MCOLN3: variants seen among roughly 807,000 people sequenced by gnomAD.
The protein encoded by MCOLN3 is mucolipin TRP cation channel 3, also known as mucolipin-3.
Under a neutral mutation model 69.4 loss-of-function variants are expected in MCOLN3, and 62 were observed. That is an observed-to-expected ratio of 0.89 (90% CI 0.73 to 1.10). MCOLN3 has a LOEUF of 1.10. MCOLN3 is among the 50% of genes least tolerant of loss of function. MCOLN3 has a pLI of 0.00. For synonymous variants in MCOLN3, 183 were observed against 217.0 expected (o/e 0.84, Z 1.38); for missense variants, 564 against 656.4 (o/e 0.86, Z 1.54).
chr1:85,019,533 C>T (rs1160366253), intron 12 of MCOLN3, among the ~76,000 whole-genome samples: 1 of 152,124 alleles, frequency 6.6e-6, no homozygotes, highest in East Asian at 1.9e-4. Context: ...GTCGTCCTTC[C>T]AGGGAGAATT....
chr1:85,037,133 G>C (rs1236677909), intron 3 of MCOLN3, among the ~76,000 whole-genome samples: 4 of 152,198 alleles, frequency 2.6e-5, no homozygotes, highest in African/African-American at 9.7e-5. Flanking sequence ...CAAGCTTTCT[G>C]TTAGCATTAG....
rs942017231 is a variant in MCOLN3, at chr1:85,018,919, T to A, written c.*204A>T. On this transcript the variant is annotated 3_prime_UTR_variant, in exon 13 of 13. Coordinates refer to ENST00000370589, the MANE Select transcript of MCOLN3 (RefSeq NM_018298.11). ...AATCCAATAGCTTTCCTCATTAAAG[T>A]TTTTTTAAAAACAATCCCAGCATAA... The A allele has an allele frequency of 4.7e-5, 24 of 511,524 alleles. No homozygotes were observed. Among genetic ancestry groups the A allele is most frequent in the African/African-American group, 3.2e-4 (16 of 50,474 alleles). 31.7% of individuals were successfully genotyped at this position (511,524 alleles called of 1,614,324 possible). A position where few individuals can be genotyped will look rare whatever the true frequency, so the allele number is the denominator to read the frequency against.
At chr1:85,046,194 G>GAAAATGGGCCCTCA (rs1653343014) in intron 1 of MCOLN3, among the ~76,000 whole-genome samples, 1 of 152,166 alleles carries the variant, frequency 6.6e-6, no homozygotes, top group Non-Finnish European at 1.5e-5. Flanking sequence ...GTACAAAGGG[G>GAAAATGGGCCCTCA]AAAATGGGCC....
chr1:85,021,258 C>T lies in MCOLN3; in HGVS notation c.1339G>A (p.Val447Ile). 1 of 1,611,396 alleles carries T rather than the reference C, an allele frequency of 6.2e-7. No individual in the cohort carries two copies. The highest frequency in any genetic ancestry group is 8.5e-7 in the Non-Finnish European group (1 of 1,179,290). Residue 447 changes from valine (V) to isoleucine (I), a missense_variant, in exon 12 of 13, where the codon GTC (valine) becomes ATC (isoleucine). Physicochemically the swap from Val to Ile is conservative, Grantham distance 29. Coordinates refer to ENST00000370589, the MANE Select transcript of MCOLN3 (RefSeq NM_018298.11). ...YHDKFRSLNM[V>I]SECLFSLING... The stretch of plus-strand genomic sequence containing the variant: ...ATCAGAGAGAAAAGGCACTCAGAGA[C>T]CATGTTCAGAGAACGAAACTGGAAA...
intron 3 of MCOLN3, 124 bp downstream of exon 3, chr1:85,040,886 G>T (rs1653026545): frequency 3.4e-6 from 3 of 879,096 alleles, no homozygotes; most frequent in Non-Finnish European, 3.4e-6. Context: ...AATTTTGTAT[G>T]TGTCATTTCC....
At chr1:85,021,898 T>A (rs1332367913) in intron 11 of MCOLN3, among the ~76,000 whole-genome samples, 172 bp downstream of exon 11, 1 of 152,172 alleles carries the variant, frequency 6.6e-6, no homozygotes, top group East Asian at 1.9e-4. Context: ...CATCAAATAT[T>A]CTCTCAAGCT....
Position 85,021,251 on chromosome 1 carries a change from T to C in MCOLN3, c.1346A>G (p.Glu449Gly). The change falls in exon 12 of 13, where the codon GAG (glutamate) becomes GGG (glycine). Residue 449 changes from glutamate (E) to glycine (G), a missense_variant. Glu to Gly is a moderately conservative substitution (Grantham distance 98). Coordinates refer to ENST00000370589, the MANE Select transcript of MCOLN3 (RefSeq NM_018298.11). Reference protein sequence around the residue: ...DKFRSLNMVSECLFSLINGDD... With the variant: ...DKFRSLNMVSGCLFSLINGDD... ...TCCATTTATCAGAGAGAAAAGGCAC[T>C]CAGAGACCATGTTCAGAGAACGAAA... 6 of 1,613,134 alleles carry C rather than the reference T, an allele frequency of 3.7e-6. No individual in the cohort carries two copies. Among genetic ancestry groups the C allele is most frequent in the Non-Finnish European group, 4.2e-6 (5 of 1,179,710 alleles).
intron 12 of MCOLN3, 25 bp downstream of exon 12, chr1:85,021,045 T>C (rs1651899773): frequency 2.6e-6 from 4 of 1,544,442 alleles, no homozygotes; most frequent in Non-Finnish European, 3.6e-6. Context: ...ACAATGCTAC[T>C]ACTTATGGCT....
At chr1:85,021,004 T>A (rs1280286190) in intron 12 of MCOLN3, 66 bp downstream of exon 12, 7 of 1,234,946 alleles carry the variant, frequency 5.7e-6, no homozygotes, top group African/African-American at 1.5e-5. Flanking sequence ...CATTAGGTAC[T>A]GAATTTTACT....
At position 85,022,127 on chromosome 1, in the gene MCOLN3, C is replaced by T; in HGVS notation, c.1263G>A (p.Met421Ile). The T allele has an allele frequency of 6.2e-7, 1 of 1,614,162 alleles. No homozygotes were observed. The highest frequency in any genetic ancestry group is 1.3e-5 in the African/African-American group (1 of 75,050). ...CACAGAAGCAGTAACCTAAGTAAATCATAGCTGCACAGCAGCAGAACCTGA... is the reference window on the plus strand; with the variant it reads ...CACAGAAGCAGTAACCTAAGTAAATTATAGCTGCACAGCAGCAGAACCTGA... ...NVIRFCCCAA[M>I]IYLGYCFCGW... is the part of the protein sequence containing the mutation. The change falls in exon 11 of 13, where the codon ATG becomes ATA. Residue 421 changes from methionine to isoleucine, a missense_variant. Transcript: ENST00000370589.
In MCOLN3 at chr1:85,019,359, G is replaced by A. The variant is rs1431730707; in HGVS notation, c.1528-102C>T. ...ATTTGGCAAGGGAGGGGGTTTTCTA[G>A]AGAGATAGTATCGTTACTCCTGAGT... On this transcript the variant is annotated intron_variant, in intron 12 of 12. Transcript: ENST00000370589. 3.5e-6 allele frequency: 4 copies of A among 1,148,412 alleles called. No individual in the cohort carries two copies. In the Admixed American group the frequency reaches 8.0e-5, roughly 23 times the overall value. The allele number at this position is 1,148,412 out of a possible 1,614,324, so 71.1% of individuals were successfully genotyped here.
rs750920108 is a variant in MCOLN3 at position 85,045,296 on chromosome 1, A to C, written c.65T>G (p.Phe22Cys). 6.2e-7 allele frequency: 1 copy of C among 1,614,032 alleles called. No homozygotes were observed. The highest frequency in any genetic ancestry group is 1.7e-5 in the Admixed American group (1 of 60,004). Residue 22 changes from phenylalanine (F) to cysteine (C), a missense_variant, in exon 2 of 13, where the codon TTT becomes TGT. Transcript: ENST00000370589. ...CTCAGATGGAGATGTTTGCTGGTTA[A>C]AATTGCAGCGATTTTCCTCTTCATG... ...SSHEEENRCN[F>C]NQQTSPSEEL...
intron 1 of MCOLN3, 128 bp downstream of exon 1, chr1:85,048,268 G>GC (rs1259055203): frequency 6.6e-6 from 1 of 152,170 alleles, no homozygotes; most frequent in Non-Finnish European, 1.5e-5. Flanking sequence ...GGCGCCGACT[G>GC]CCCGGCCCGG....
chr1:85,032,293 C>T (rs2102929895), intron 6 of MCOLN3, among the ~76,000 whole-genome samples: 1 of 152,256 alleles, frequency 6.6e-6, no homozygotes. Context: ...AACATGGAAA[C>T]ATCCATGGTG....
At chr1:85,029,731 G>A (rs1557685842) in intron 6 of MCOLN3, 1 of 152,272 alleles carries the variant, frequency 6.6e-6, no homozygotes, top group Non-Finnish European at 1.5e-5. Context: ...TAAAGGGTTT[G>A]GTGACAGGGA....
chr1:85,020,662 A>C (rs933710316), intron 12 of MCOLN3, among the ~76,000 whole-genome samples: 2 of 152,218 alleles, frequency 1.3e-5, no homozygotes, highest in African/African-American at 4.8e-5. Context: ...CAGTACACTC[A>C]AAACAAAGGG....
intron 9 of MCOLN3, chr1:85,025,513 C>T (rs2102920366): frequency 6.3e-6 from 1 of 159,700 alleles, no homozygotes; most frequent in African/African-American, 2.4e-5. Context: ...AGCATGCACA[C>T]CATAGTGCCT....
intron 7 of MCOLN3, 80 bp from the exon 8 acceptor site, chr1:85,026,364 T>G: frequency 1.0e-6 from 1 of 961,864 alleles, no homozygotes; most frequent in Non-Finnish European, 1.6e-6. Flanking sequence ...ATCATTTAAA[T>G]AATTCAAGCA....
intron 7 of MCOLN3, among the ~76,000 whole-genome samples, chr1:85,026,731 T>A (rs1161336687): frequency 6.7e-6 from 1 of 149,944 alleles, no homozygotes; most frequent in Non-Finnish European, 1.5e-5. Context: ...TACTCCAGGC[T>A]GGGTGACAGA....
Sources: allele counts gnomAD v4.1 joint callset (sites outside exome capture counted in the v4.1 genomes callset), GRCh38; gene constraint gnomAD v4.1.1; transcripts MANE v1.5; gene names NCBI Gene and HGNC (gene_info 2026-07-23, HGNC 2026-07-21).